The following SLC38A6 variants were observed in gnomAD, a reference collection of about 807,000 sequenced individuals.
SLC38A6 encodes solute carrier family 38 member 6, also known as N system amino acid transporter NAT-1.
SLC38A6 carries 73 observed loss-of-function variants against 65.0 expected under a neutral mutation model. The observed-to-expected ratio is 1.12, with a 90% CI of 0.93 to 1.37. The LOEUF is 1.37. SLC38A6 is among the 40% of genes most tolerant of loss of function. The pLI, the probability that SLC38A6 is intolerant of heterozygous loss-of-function variation, is 0.00. For missense variants in SLC38A6, 561 were observed against 531.1 expected (o/e 1.06, Z -0.55); for synonymous variants, 183 against 178.8 (o/e 1.02, Z -0.19).
intron 16 of SLC38A6, among the ~76,000 whole-genome samples, chr14:61,079,803 G>A (rs1415746593): frequency 6.6e-6 from 1 of 152,102 alleles, no homozygotes; most frequent in African/African-American, 2.4e-5. Context: ...AGTATACTTG[G>A]TGAGTGTTGA....
At chr14:61,073,122 CTGA>C (rs1358890107) in intron 15 of SLC38A6, among the ~76,000 whole-genome samples, 2 of 152,242 alleles carry the variant, frequency 1.3e-5, no homozygotes, top group East Asian at 1.9e-4. Flanking sequence ...TTGCATTTCT[CTGA>C]TGATCAGTGA....
At chr14:61,011,501 G>C (rs2039561993) in intron 3 of SLC38A6, among the ~76,000 whole-genome samples, 1 of 152,094 alleles carries the variant, frequency 6.6e-6, no homozygotes, top group African/African-American at 2.4e-5. Context: ...CATTCAGTAT[G>C]ATATTGGCTG....
chr14:61,015,842 C>G (rs1485194735), intron 3 of SLC38A6, 62 bp from the exon 4 acceptor site: 7 of 1,377,060 alleles, frequency 5.1e-6, no homozygotes, highest in African/African-American at 1.4e-5. Flanking sequence ...CTGCTCTTCT[C>G]TTTAGGACCT....
intron 6 of SLC38A6, among the ~76,000 whole-genome samples, chr14:61,035,788 C>A (rs2041316987): frequency 6.6e-6 from 1 of 152,122 alleles, no homozygotes; most frequent in Admixed American, 6.5e-5. Context: ...CCTTTGCATA[C>A]AAATCTATTG....
chr14:61,001,249 C>T (rs911430467), intron 3 of SLC38A6, among the ~76,000 whole-genome samples: 1 of 152,142 alleles, frequency 6.6e-6, no homozygotes, highest in Non-Finnish European at 1.5e-5. Flanking sequence ...TTCTGCAATA[C>T]ACAGGACAGC....
At chr14:61,034,554 C>T (rs532218295) in intron 6 of SLC38A6, among the ~76,000 whole-genome samples, 2 of 152,230 alleles carry the variant, frequency 1.3e-5, no homozygotes, top group East Asian at 1.9e-4. Context: ...CAGAAGGAAA[C>T]ACATTTCAGA....
chr14:60,988,067 A>G (rs534729002), intron 3 of SLC38A6, among the ~76,000 whole-genome samples: 33 of 152,298 alleles, frequency 2.2e-4, no homozygotes, highest in African/African-American at 7.2e-4. Context: ...CTCACAGTCA[A>G]TCATCAGCAA....
intron 16 of SLC38A6, among the ~76,000 whole-genome samples, chr14:61,082,157 C>T (rs1053702104): frequency 3.9e-5 from 6 of 152,068 alleles, no homozygotes; most frequent in African/African-American, 1.4e-4. Context: ...AATATTAGCA[C>T]CCCCGCACCA....
chr14:61,004,662 C>A (rs1444084126), intron 3 of SLC38A6: 1 of 152,152 alleles, frequency 6.6e-6, no homozygotes, highest in Non-Finnish European at 1.5e-5. Flanking sequence ...CTGAATAGAC[C>A]AATAACAGGC....
chr14:61,043,331 T>G (rs1381844644), intron 9 of SLC38A6, 119 bp downstream of exon 9: 22 of 1,068,676 alleles, frequency 2.1e-5, no homozygotes, highest in Non-Finnish European at 3.0e-5. Context: ...ATTTTAGAAC[T>G]TTGTTTTGAA....
At chr14:61,049,374 T>C (rs892340340) in intron 12 of SLC38A6, among the ~76,000 whole-genome samples, 11 of 152,314 alleles carry the variant, frequency 7.2e-5, no homozygotes, top group African/African-American at 1.9e-4. Flanking sequence ...TGCTCCTTGC[T>C]TCTAGAGAAT....
At chr14:60,995,854 C>T in intron 3 of SLC38A6, among the ~76,000 whole-genome samples, 1 of 152,106 alleles carries the variant, frequency 6.6e-6, no homozygotes, top group South Asian at 2.1e-4. Flanking sequence ...TAAAAAAGAT[C>T]AGTGGTTGCC....
chr14:61,004,707 C>A (rs1365353919), intron 3 of SLC38A6: 1 of 152,198 alleles, frequency 6.6e-6, no homozygotes, highest in Non-Finnish European at 1.5e-5. Context: ...AGCTTACCAA[C>A]CAAAAAGAAT....
intron 5 of SLC38A6, among the ~76,000 whole-genome samples, chr14:61,029,751 A>G (rs2040834679): frequency 6.6e-6 from 1 of 152,232 alleles, no homozygotes; most frequent in Non-Finnish European, 1.5e-5. Context: ...GGTTATGATT[A>G]CATAATATAG....
At chr14:61,019,653 A>G (rs2040236030) in intron 5 of SLC38A6, 73 bp downstream of exon 5, 1 of 1,487,548 alleles carries the variant, frequency 6.7e-7, no homozygotes, top group Non-Finnish European at 9.4e-7. Flanking sequence ...TTATCTTACT[A>G]CAGATCTAGC....
intron 3 of SLC38A6, among the ~76,000 whole-genome samples, chr14:60,997,354 G>A (rs2038369914): frequency 6.6e-6 from 1 of 152,112 alleles, no homozygotes; most frequent in Non-Finnish European, 1.5e-5. Flanking sequence ...GTTTCACCAT[G>A]TTGGTCAGGC....
At chr14:61,028,443 T>C (rs919098051) in intron 5 of SLC38A6, among the ~76,000 whole-genome samples, 1 of 152,160 alleles carries the variant, frequency 6.6e-6, no homozygotes, top group Non-Finnish European at 1.5e-5. Flanking sequence ...AATTTTTATC[T>C]TTGCACCATA....
chr14:61,053,576 A>G (rs1055260796), downstream of SLC38A6, among the ~76,000 whole-genome samples: 7 of 152,142 alleles, frequency 4.6e-5, no homozygotes, highest in African/African-American at 1.2e-4. Flanking sequence ...ATTAATAGCC[A>G]TTCTGACTGA....
intron 3 of SLC38A6, among the ~76,000 whole-genome samples, chr14:60,995,685 GT>G (rs1343060932): frequency 6.6e-6 from 1 of 152,080 alleles, no homozygotes; most frequent in East Asian, 1.9e-4. Context: ...GGGTAGATAC[GT>G]TAATTTGCTT....
Sources: gnomAD v4.1 joint callset for allele counts (sites outside exome capture counted in the v4.1 genomes callset) on GRCh38, gnomAD v4.1.1 for gene constraint, MANE v1.5 for transcripts, NCBI Gene and HGNC (gene_info 2026-07-23, HGNC 2026-07-21) for gene names.